PHF11: variants seen among roughly 807,000 people sequenced by gnomAD.
The protein encoded by PHF11 is BRCA1 C-terminus-associated protein.
In PHF11, 38 loss-of-function variants were observed where a neutral mutation model predicts 40.5. The observed-to-expected ratio is 0.94, with a 90% CI of 0.72 to 1.23. The LOEUF (loss-of-function observed/expected upper bound fraction) is 1.23. Among genes scored for constraint, PHF11 ranks in the 50% most tolerant of loss-of-function variants. The pLI is 0.00. For missense variants in PHF11, 369 were observed against 392.4 expected (o/e 0.94, Z 0.50); for synonymous variants, 127 against 138.2 (o/e 0.92, Z 0.57).
chr13:49,522,151 A>C, intron 6 of PHF11, 44 bp downstream of exon 6: 1 of 988,652 alleles, frequency 1.0e-6, no homozygotes, highest in Non-Finnish European at 1.6e-6. Context: ...CTTCATACAG[A>C]GTCCTTATTT....
chr13:49,522,085 C>A lies in PHF11; in HGVS notation c.548C>A (p.Pro183His). The change falls in exon 6 of 10, where the codon CCC becomes CAC. Residue 183 changes from proline to histidine, a missense_variant. Physicochemically the swap from Pro to His is moderately conservative, Grantham distance 77. Coordinates refer to ENST00000378319, the MANE Select transcript of PHF11 (RefSeq NM_001040443.3). ...AAAAGAAAAAGAGGAAGGAAGAAACCCCTCTCAGGCAATCATGTACAGGTA... is the reference window on the plus strand; with the variant it reads ...AAAAGAAAAAGAGGAAGGAAGAAACACCTCTCAGGCAATCATGTACAGGTA... ...GVKRKRGRKK[P>H]LSGNHVQPPE... is the part of the protein sequence containing the mutation. 6.4e-7 allele frequency: 1 copy of A among 1,557,148 alleles called. No homozygotes were observed. The highest frequency in any genetic ancestry group is 8.8e-7 in the Non-Finnish European group (1 of 1,130,198).
intron 5 of PHF11, chr13:49,521,640 C>A: frequency 5.0e-6 from 1 of 199,266 alleles, no homozygotes; most frequent in Non-Finnish European, 9.1e-6. Flanking sequence ...CACACTTAAC[C>A]AAATCCTTGC....
chr13:49,514,234 T>C (rs1405150063), intron 3 of PHF11, among the ~76,000 whole-genome samples: 1 of 152,096 alleles, frequency 6.6e-6, no homozygotes, highest in Non-Finnish European at 1.5e-5. Flanking sequence ...GACAAATGTA[T>C]AGTTAGTCTT....
intron 5 of PHF11, 84 bp from the exon 6 acceptor site, chr13:49,521,959 G>A: frequency 1.6e-6 from 1 of 641,760 alleles, no homozygotes; most frequent in African/African-American, 1.9e-5. Flanking sequence ...AAAAACTTTT[G>A]GCATATGAGT....
chr13:49,527,291 G>C (rs1394537520), intron 9 of PHF11: 1 of 152,152 alleles, frequency 6.6e-6, no homozygotes, highest in African/African-American at 2.4e-5. Flanking sequence ...ACACACAGCT[G>C]GGCAGGCCGG....
At position 49,528,645 on chromosome 13, in the gene PHF11, A is replaced by G. The variant is rs1959413779; in HGVS notation, c.976A>G (p.Ile326Val). Reference protein sequence around the residue: ...NRDLMSSSTSISSLSY With the variant: ...NRDLMSSSTSVSSLSY ...AGATCTTATGTCAAGTTCTACATCA[A>G]TATCATCCCTGTCTTATTAGGGATT... The change falls in exon 10 of 10, where the codon ATA becomes GTA. Residue 326 changes from isoleucine (I) to valine (V), a missense_variant. Physicochemically the swap from Ile to Val is conservative, Grantham distance 29. Coordinates refer to ENST00000378319, the MANE Select transcript of PHF11 (RefSeq NM_001040443.3). 6.2e-7 allele frequency: 1 copy of G among 1,606,456 alleles called. No homozygotes were observed. Among genetic ancestry groups the G allele is most frequent in the Non-Finnish European group, 8.5e-7 (1 of 1,176,766 alleles).
At chr13:49,504,584 A>G (rs1958955312) in intron 1 of PHF11, among the ~76,000 whole-genome samples, 2 of 125,896 alleles carry the variant, frequency 1.6e-5, no homozygotes, top group Non-Finnish European at 3.3e-5. Context: ...CCCGTCCGGG[A>G]GGGAGGTGGG....
chr13:49,518,064 T>TA lies in PHF11; in HGVS notation c.377dup (p.Asn126LysfsTer3). 2 of 1,596,406 alleles carry TA rather than the reference T, an allele frequency of 1.3e-6. No homozygotes were observed. Among genetic ancestry groups the TA allele is most frequent in the South Asian group, 1.1e-5 (1 of 89,984 alleles). On this transcript the variant is annotated frameshift_variant, in exon 4 of 10. Transcript: ENST00000378319. LOFTEE classifies it high-confidence loss of function. ...AGAGGAGCCACCGTGGGATGTGATT[T>TA]AAAAAACTGTAACAAGAATTACCAC...
chr13:49,504,289 A>G (rs1416263382), intron 1 of PHF11, among the ~76,000 whole-genome samples: 1 of 151,990 alleles, frequency 6.6e-6, no homozygotes, highest in Non-Finnish European at 1.5e-5. Context: ...CTCTAAAAAA[A>G]AAAATAACAA....
Position 49,518,088 on chromosome 13 carries a change from A to G in PHF11, c.395A>G (p.His132Arg). The G allele has an allele frequency of 3.1e-6, 5 of 1,602,790 alleles. No homozygotes were observed. Among genetic ancestry groups the G allele is most frequent in the Non-Finnish European group, 4.3e-6 (5 of 1,170,420 alleles). ...TTAAAAAACTGTAACAAGAATTACC[A>G]CTTTTTCTGTGCCAAGAAGGACGAC... ...CDLKNCNKNYHFFCAKKDDAV... is the reference protein window; with the variant it reads ...CDLKNCNKNYRFFCAKKDDAV... Residue 132 changes from histidine to arginine, a missense_variant, in exon 4 of 10, where the codon CAC (histidine) becomes CGC (arginine). By Grantham distance (29) the His-to-Arg change is conservative. Transcript: ENST00000378319.
chr13:49,520,662 G>C (rs924774237), intron 4 of PHF11, among the ~76,000 whole-genome samples: 3 of 151,892 alleles, frequency 2.0e-5, no homozygotes, highest in Non-Finnish European at 2.9e-5. Context: ...CTCATTCCTT[G>C]AAAGAACATA....
At chr13:49,510,756 C>A (rs547275682) in intron 2 of PHF11, among the ~76,000 whole-genome samples, 1 of 152,370 alleles carries the variant, frequency 6.6e-6, no homozygotes, top group East Asian at 1.9e-4. Context: ...GAGGCGTGAG[C>A]TACCGCTCCC....
intron 2 of PHF11, among the ~76,000 whole-genome samples, chr13:49,511,617 C>T (rs967996575): frequency 1.3e-5 from 2 of 152,116 alleles, no homozygotes; most frequent in Non-Finnish European, 2.9e-5. Flanking sequence ...CGTGAGCCAC[C>T]GCACCCGGCT....
intron 7 of PHF11, 65 bp from the exon 8 acceptor site, chr13:49,524,020 A>G (rs1025572276): frequency 2.4e-5 from 33 of 1,393,074 alleles, no homozygotes; most frequent in Non-Finnish European, 3.1e-5. Flanking sequence ...AGAAATAAGC[A>G]TAAAGTAATT....
At chr13:49,506,926 C>T (rs1959005357) in intron 2 of PHF11, among the ~76,000 whole-genome samples, 170 bp downstream of exon 2, 3 of 80,590 alleles carry the variant, frequency 3.7e-5, no homozygotes, top group East Asian at 3.9e-4. Flanking sequence ...TTTTTTGAGA[C>T]GGAGTTTCAC....
At chr13:49,516,209 C>T (rs752897332) in intron 3 of PHF11, among the ~76,000 whole-genome samples, 1 of 152,074 alleles carries the variant, frequency 6.6e-6, no homozygotes, top group Non-Finnish European at 1.5e-5. Context: ...GTGTATATAA[C>T]TTTGTGAGAC....
chr13:49,526,219 T>G (rs1959268985), intron 8 of PHF11, 168 bp from the exon 9 acceptor site: 2 of 563,856 alleles, frequency 3.5e-6, no homozygotes, highest in Non-Finnish European at 6.3e-6. Flanking sequence ...AGAATTACAT[T>G]TCTGACAGCT....
At chr13:49,507,157 G>A (rs536402896) in intron 2 of PHF11, among the ~76,000 whole-genome samples, 6 of 151,944 alleles carry the variant, frequency 3.9e-5, no homozygotes, top group South Asian at 2.1e-4. Context: ...TGCCCACCTC[G>A]GCCTCCCAAA....
chr13:49,508,276 TTAA>T (rs1426928979), intron 2 of PHF11, among the ~76,000 whole-genome samples: 4 of 147,260 alleles, frequency 2.7e-5, no homozygotes, highest in Non-Finnish European at 4.5e-5. Context: ...TATTAATATA[TTAA>T]TTATATATTA....
Sources: allele counts gnomAD v4.1 joint callset (sites outside exome capture counted in the v4.1 genomes callset), GRCh38; gene constraint gnomAD v4.1.1; transcripts MANE v1.5; gene names NCBI Gene and HGNC (gene_info 2026-07-23, HGNC 2026-07-21).